Variants in PPM1H observed in about 807,000 individuals in gnomAD.
The protein encoded by PPM1H is protein phosphatase, Mg2+/Mn2+ dependent 1H, also known as protein phosphatase 1H.
PPM1H carries 27 observed loss-of-function variants against 54.9 expected under a neutral mutation model. That is an observed-to-expected ratio of 0.49 (90% CI 0.36 to 0.68). PPM1H has a LOEUF of 0.68. PPM1H is among the 30% of genes least tolerant of loss of function. The pLI is 0.00. For missense variants in PPM1H, 596 were observed against 667.8 expected (o/e 0.89, Z 1.19); for synonymous variants, 305 against 270.8 (o/e 1.13, Z -1.24).
chr12:62,670,560 T>C (rs560773683), intron 8 of PPM1H, among the ~76,000 whole-genome samples: 69 of 152,288 alleles, frequency 4.5e-4, no homozygotes, highest in Non-Finnish European at 6.6e-4. Context: ...CAGGTTGTGT[T>C]ATTCAAGCTG....
chr12:62,746,202 A>T (rs1198139465), intron 4 of PPM1H, among the ~76,000 whole-genome samples: 5 of 152,122 alleles, frequency 3.3e-5, no homozygotes, highest in African/African-American at 1.2e-4. Context: ...CTCAAAAAAA[A>T]AACAAAAACA....
At chr12:62,765,280 TG>T in intron 4 of PPM1H, among the ~76,000 whole-genome samples, 1 of 152,276 alleles carries the variant, frequency 6.6e-6, no homozygotes, top group South Asian at 2.1e-4. Flanking sequence ...GACTGGGAGC[TG>T]GGCACAGTGG....
rs555666194 is a variant in PPM1H at position 62,852,836 on chromosome 12, C to T, written c.246-20557G>A. 3.9e-5 allele frequency among the ~76,000 whole-genome samples: 6 copies of T among 152,338 alleles called. No homozygotes were observed. In the South Asian group the frequency reaches 1.2e-3, roughly 32 times the overall value. ...GACCCGGCACTGCATGAGTGGGATA[C>T]ATCTCCTGATGTGACGCAACTTGAA... On this transcript the variant is annotated intron_variant, in intron 1 of 9. Transcript: ENST00000228705.
intron 7 of PPM1H, among the ~76,000 whole-genome samples, chr12:62,692,147 A>C (rs1026316707): frequency 6.6e-6 from 1 of 152,192 alleles, no homozygotes; most frequent in Non-Finnish European, 1.5e-5. Flanking sequence ...CGGAGAAGAA[A>C]GAGAAAATCC....
At chr12:62,733,496 A>G (rs1371292611) in intron 5 of PPM1H, among the ~76,000 whole-genome samples, 1 of 152,058 alleles carries the variant, frequency 6.6e-6, no homozygotes, top group Non-Finnish European at 1.5e-5. Flanking sequence ...TGACCTTGTG[A>G]TCTGCCCACC....
intron 1 of PPM1H, among the ~76,000 whole-genome samples, chr12:62,889,071 G>C (rs1376422916): frequency 6.6e-6 from 1 of 152,096 alleles, no homozygotes; most frequent in East Asian, 1.9e-4. Context: ...TTAGAAACCA[G>C]GCCCAAGAGT....
At chr12:62,820,812 A>C (rs2076898627) in intron 2 of PPM1H, among the ~76,000 whole-genome samples, 1 of 152,208 alleles carries the variant, frequency 6.6e-6, no homozygotes, top group Admixed American at 6.5e-5. Flanking sequence ...AAAGATGGGG[A>C]GGAACCAGAG....
intron 2 of PPM1H, among the ~76,000 whole-genome samples, chr12:62,812,192 C>T (rs549766927): frequency 1.0e-3 from 155 of 152,284 alleles, no homozygotes; most frequent in African/African-American, 3.5e-3. Context: ...TAATTGCATA[C>T]GTGTCTGATT....
chr12:62,653,133 T>C (rs1472523584), intron 9 of PPM1H, among the ~76,000 whole-genome samples: 1 of 152,242 alleles, frequency 6.6e-6, no homozygotes, highest in Non-Finnish European at 1.5e-5. Context: ...GCTTTTGTCA[T>C]TGATAGCTTT....
At chr12:62,759,332 C>A (rs1349257217) in intron 4 of PPM1H, among the ~76,000 whole-genome samples, 1 of 152,228 alleles carries the variant, frequency 6.6e-6, no homozygotes, top group Non-Finnish European at 1.5e-5. Flanking sequence ...CAATGAACAT[C>A]TCACTGATTT....
At chr12:62,830,718 G>A (rs193118948) in intron 2 of PPM1H, among the ~76,000 whole-genome samples, 126 of 152,262 alleles carry the variant, frequency 8.3e-4, no homozygotes, top group African/African-American at 2.6e-3. Context: ...TGGTTGTTTG[G>A]AAAAGGCCTT....
intron 4 of PPM1H, among the ~76,000 whole-genome samples, chr12:62,776,984 T>C (rs748146770): frequency 1.3e-5 from 2 of 152,238 alleles, no homozygotes; most frequent in Non-Finnish European, 2.9e-5. Flanking sequence ...TGTCTGTTGA[T>C]GGTGGCTCAA....
At chr12:62,685,141 A>G (rs1417703047) in intron 8 of PPM1H, among the ~76,000 whole-genome samples, 8 of 152,054 alleles carry the variant, frequency 5.3e-5, no homozygotes. Flanking sequence ...ATTAAGCTAA[A>G]TTATAGGTGC....
chr12:62,875,791 CT>C (rs1463593455), intron 1 of PPM1H, among the ~76,000 whole-genome samples: 2 of 152,134 alleles, frequency 1.3e-5, no homozygotes, highest in Non-Finnish European at 2.9e-5. Context: ...TTTTCAACAA[CT>C]TGGAAATTTT....
chr12:62,858,518 C>T (rs1013712655), intron 1 of PPM1H, among the ~76,000 whole-genome samples: 1 of 152,084 alleles, frequency 6.6e-6, no homozygotes, highest in Non-Finnish European at 1.5e-5. Flanking sequence ...TTTCAGAAAC[C>T]ACTTGCAAGC....
intron 1 of PPM1H, among the ~76,000 whole-genome samples, chr12:62,917,016 G>A: frequency 6.6e-6 from 1 of 151,656 alleles, no homozygotes; most frequent in African/African-American, 2.4e-5. Flanking sequence ...TTATGAAAAT[G>A]TCTTGCACTG....
intron 1 of PPM1H, among the ~76,000 whole-genome samples, chr12:62,842,740 G>A (rs1868801944): frequency 6.6e-6 from 1 of 152,200 alleles, no homozygotes; most frequent in South Asian, 2.1e-4. Context: ...CACATAGGAG[G>A]CCACTCCACC....
rs1396534465 is a variant in PPM1H at position 62,702,370 on chromosome 12, A to G, written c.1074-8371T>C. ...AATTTTCTAACTTGGTTTAAAGGCA[A>G]GTTCCTCCTTTAAAGTTCTTCCTAG... On this transcript the variant is annotated intron_variant, in intron 6 of 9. Coordinates refer to ENST00000228705, the MANE Select transcript of PPM1H (RefSeq NM_020700.2). 2.0e-5 allele frequency among the ~76,000 whole-genome samples: 3 copies of G among 152,244 alleles called. No individual in the cohort carries two copies. In the East Asian group the frequency reaches 5.8e-4, roughly 29 times the overall value.
At chr12:62,827,497 T>C (rs751510642) in intron 2 of PPM1H, among the ~76,000 whole-genome samples, 3 of 152,166 alleles carry the variant, frequency 2.0e-5, no homozygotes, top group Non-Finnish European at 2.9e-5. Context: ...CTGCCATCAC[T>C]GTCTTGAGTC....
Sources: allele counts gnomAD v4.1 joint callset (sites outside exome capture counted in the v4.1 genomes callset), GRCh38; gene constraint gnomAD v4.1.1; transcripts MANE v1.5; gene names NCBI Gene and HGNC (gene_info 2026-07-23, HGNC 2026-07-21).